The following INPP4B variants were observed in gnomAD, a reference collection of about 807,000 sequenced individuals.
INPP4B encodes the protein inositol polyphosphate 4-phosphatase type II.
INPP4B carries 55 observed loss-of-function variants against 122.5 expected under a neutral mutation model. That is an observed-to-expected ratio of 0.45 (90% confidence interval 0.36 to 0.56). The LOEUF (loss-of-function observed/expected upper bound fraction) is 0.56, where lower values mean the gene tolerates loss of function less well. INPP4B is among the 20% of genes least tolerant of loss of function. The pLI is 0.00. For synonymous variants in INPP4B, 403 were observed against 388.7 expected (o/e 1.04, Z -0.43); for missense variants, 1,000 against 1,097.7 (o/e 0.91, Z 1.26).
intron 15 of INPP4B, among the ~76,000 whole-genome samples, 160 bp downstream of exon 15, chr4:142,192,927 C>A (rs1836623123): frequency 6.6e-6 from 1 of 152,160 alleles, no homozygotes; most frequent in Non-Finnish European, 1.5e-5. Context: ...AATCTAATTT[C>A]TTCTCTGGTA....
intron 2 of INPP4B, among the ~76,000 whole-genome samples, chr4:142,708,411 C>T (rs1395725742): frequency 6.6e-6 from 1 of 152,176 alleles, no homozygotes; most frequent in African/African-American, 2.4e-5. Context: ...TTTCAGAAAA[C>T]TTCAAGGCAG....
chr4:142,143,060 GAA>G lies in INPP4B; in HGVS notation c.1720+2778_1720+2779del, dbSNP rs368318687. Among the ~76,000 whole-genome samples, 450 of 152,134 alleles carry G rather than the reference GAA, an allele frequency of 3.0e-3. 5 individuals are homozygous for G. Among genetic ancestry groups the G allele is most frequent in the African/African-American group, 0.01 (428 of 41,526 alleles). ...TTCTACCTCTTCAAAAGCACAGGCT[GAA>G]GTTTCCTTAACTGCCTAAACTCCAG... On this transcript the variant is annotated intron_variant, in intron 18 of 25. Coordinates refer to ENST00000262992, the MANE Select transcript of INPP4B (RefSeq NM_001101669.3).
chr4:142,028,968 C>G, intron 25 of INPP4B, 54 bp from the exon 26 acceptor site: 2 of 1,567,160 alleles, frequency 1.3e-6, no homozygotes, highest in Non-Finnish European at 1.7e-6. Flanking sequence ...AATAAATATG[C>G]TTTATTTGTT....
intron 7 of INPP4B, chr4:142,383,919 T>C (rs2148892441): frequency 1.7e-6 from 1 of 581,184 alleles, no homozygotes; most frequent in Middle Eastern, 3.3e-4. Flanking sequence ...TCTCTGCATG[T>C]CCAGCTATTT....
intron 12 of INPP4B, among the ~76,000 whole-genome samples, chr4:142,228,881 A>C (rs77463614): frequency 0.098 from 14,920 of 151,756 alleles, 821 homozygotes; most frequent in Middle Eastern, 0.15. Context: ...GGATATTTGT[A>C]ATAAATATAT....
chr4:142,479,492 G>A (rs552882287), intron 2 of INPP4B, among the ~76,000 whole-genome samples: 3 of 152,014 alleles, frequency 2.0e-5, no homozygotes, highest in South Asian at 4.2e-4. Flanking sequence ...ATTATTCTAC[G>A]ATAAACACAC....
chr4:142,489,365 C>T (rs1821582242), intron 2 of INPP4B, among the ~76,000 whole-genome samples: 1 of 151,946 alleles, frequency 6.6e-6, no homozygotes, highest in African/African-American at 2.4e-5. Context: ...CATATATAAA[C>T]TAGATCAATT....
intron 2 of INPP4B, among the ~76,000 whole-genome samples, chr4:142,503,662 G>T (rs1823662111): frequency 6.6e-6 from 1 of 151,982 alleles, no homozygotes; most frequent in Non-Finnish European, 1.5e-5. Context: ...TATAATCTGG[G>T]ATTTACAAGA....
At chr4:142,359,440 G>A (rs1784693284) in intron 7 of INPP4B, among the ~76,000 whole-genome samples, 1 of 151,914 alleles carries the variant, frequency 6.6e-6, no homozygotes, top group African/African-American at 2.4e-5. Flanking sequence ...TAAGAAAGAT[G>A]ATTAGTATTA....
At chr4:142,321,694 C>T (rs995703570) in intron 7 of INPP4B, among the ~76,000 whole-genome samples, 1 of 152,036 alleles carries the variant, frequency 6.6e-6, no homozygotes, top group Non-Finnish European at 1.5e-5. Flanking sequence ...GTGTCCTTTC[C>T]CTACTTTATG....
chr4:142,156,799 T>TGCA (rs1281904461), intron 17 of INPP4B, among the ~76,000 whole-genome samples: 2 of 152,088 alleles, frequency 1.3e-5, no homozygotes, highest in East Asian at 3.9e-4. Context: ...TTCAAAAGAA[T>TGCA]GGTTCTTACC....
chr4:142,378,013 G>A (rs1360714367), intron 7 of INPP4B, among the ~76,000 whole-genome samples: 1 of 152,110 alleles, frequency 6.6e-6, no homozygotes, highest in Non-Finnish European at 1.5e-5. Context: ...GAATCCCTGA[G>A]TTGAAGAAAA....
At chr4:142,812,482 A>AG in intron 1 of INPP4B, among the ~76,000 whole-genome samples, 1 of 152,216 alleles carries the variant, frequency 6.6e-6, no homozygotes, top group Non-Finnish European at 1.5e-5. Context: ...GCTGTTTAAC[A>AG]AATTCCACTA....
At chr4:142,573,294 A>G (rs1265512679) in intron 2 of INPP4B, among the ~76,000 whole-genome samples, 1 of 152,086 alleles carries the variant, frequency 6.6e-6, no homozygotes, top group Non-Finnish European at 1.5e-5. Flanking sequence ...GGGTGGGGAC[A>G]CAGAGCCAAG....
At chr4:142,532,130 C>T (rs996948529) in intron 2 of INPP4B, among the ~76,000 whole-genome samples, 16 of 152,116 alleles carry the variant, frequency 1.1e-4, no homozygotes, top group African/African-American at 3.1e-4. Context: ...CTCTTAGAAA[C>T]GCAAATCAGG....
intron 2 of INPP4B, among the ~76,000 whole-genome samples, chr4:142,482,971 C>T (rs929207646): frequency 6.6e-6 from 1 of 151,832 alleles, no homozygotes; most frequent in African/African-American, 2.4e-5. Context: ...ATACATAATG[C>T]AATATTTCAT....
At chr4:142,482,052 T>A (rs969001659) in intron 2 of INPP4B, among the ~76,000 whole-genome samples, 2 of 152,282 alleles carry the variant, frequency 1.3e-5, no homozygotes, top group African/African-American at 4.8e-5. Flanking sequence ...CTCTTTCCCA[T>A]AAGGGCCACA....
intron 2 of INPP4B, among the ~76,000 whole-genome samples, chr4:142,582,930 C>A (rs1735404887): frequency 6.6e-6 from 1 of 152,122 alleles, no homozygotes; most frequent in Non-Finnish European, 1.5e-5. Context: ...GATGCTCAAC[C>A]AATGTATAAT....
chr4:142,219,401 G>T (rs1223231023), intron 12 of INPP4B, among the ~76,000 whole-genome samples: 2 of 152,128 alleles, frequency 1.3e-5, no homozygotes, highest in Non-Finnish European at 2.9e-5. Flanking sequence ...AGTTAAATTG[G>T]TATTTATTTA....
Sources: allele counts gnomAD v4.1 joint callset (sites outside exome capture counted in the v4.1 genomes callset), GRCh38; gene constraint gnomAD v4.1.1; transcripts MANE v1.5; gene names NCBI Gene and HGNC (gene_info 2026-07-23, HGNC 2026-07-21).